Variants in WWOX observed in about 807,000 individuals in gnomAD.
The protein encoded by WWOX is WW domain-containing oxidoreductase.
Under a neutral mutation model 46.2 loss-of-function variants are expected in WWOX, and 69 were observed. The ratio of observed to expected loss-of-function variants is 1.49; its 90% CI spans 1.23 to 1.82. The LOEUF is 1.82. Among genes scored for constraint, WWOX ranks in the 40% most tolerant of loss-of-function variants. WWOX has a pLI of 0.00. For missense variants in WWOX, 919 were observed against 542.6 expected (o/e 1.69, Z -6.89); for synonymous variants, 359 against 202.6 (o/e 1.77, Z -6.56).
intron 8 of WWOX, among the ~76,000 whole-genome samples, chr16:79,142,032 C>A (rs2050099869): frequency 6.6e-6 from 1 of 152,154 alleles, no homozygotes; most frequent in East Asian, 1.9e-4. Context: ...AGGATGGGGC[C>A]CAGTTAAGAG....
intron 8 of WWOX, among the ~76,000 whole-genome samples, chr16:79,102,778 C>G (rs1449989381): frequency 6.6e-6 from 1 of 152,166 alleles, no homozygotes; most frequent in African/African-American, 2.4e-5. Flanking sequence ...CATTAAACAC[C>G]TAAAGACTCT....
intron 6 of WWOX, among the ~76,000 whole-genome samples, chr16:78,408,079 G>C (rs569564809): frequency 1.3e-5 from 2 of 152,290 alleles, no homozygotes; most frequent in African/African-American, 2.4e-5. Flanking sequence ...TGCCTAGGTA[G>C]ATAGGAGCCG....
chr16:78,493,270 C>T (rs1445543699), intron 8 of WWOX, among the ~76,000 whole-genome samples: 2 of 152,114 alleles, frequency 1.3e-5, no homozygotes, highest in Non-Finnish European at 2.9e-5. Flanking sequence ...ACACAAATGT[C>T]CTATGTTAAG....
intron 6 of WWOX, among the ~76,000 whole-genome samples, chr16:78,406,303 A>AATATAAATACAT (rs1200192812): frequency 1.7e-5 from 1 of 57,844 alleles, no homozygotes; most frequent in East Asian, 7.5e-4. Context: ...TATAAATATA[A>AATATAAATACAT]ATATATATAT....
intron 8 of WWOX, among the ~76,000 whole-genome samples, chr16:78,703,294 C>A (rs1017342431): frequency 6.6e-6 from 1 of 152,144 alleles, no homozygotes. Flanking sequence ...AGCTTCTCTC[C>A]CATCTTTCCT....
chr16:79,173,442 G>A (rs892338568), intron 8 of WWOX, among the ~76,000 whole-genome samples: 1 of 152,174 alleles, frequency 6.6e-6, no homozygotes, highest in Non-Finnish European at 1.5e-5. Flanking sequence ...TGAGCAAACA[G>A]GCAGAGACTG....
At chr16:78,662,214 G>C (rs920745584) in intron 8 of WWOX, among the ~76,000 whole-genome samples, 1 of 152,102 alleles carries the variant, frequency 6.6e-6, no homozygotes, top group African/African-American at 2.4e-5. Flanking sequence ...AGTGAGGTTT[G>C]TATAACCGAG....
At chr16:78,614,462 G>A (rs950068597) in intron 8 of WWOX, among the ~76,000 whole-genome samples, 3 of 152,330 alleles carry the variant, frequency 2.0e-5, no homozygotes, top group Middle Eastern at 3.4e-3. Flanking sequence ...GGGTGAGGGC[G>A]GCAGGTCCTC....
At chr16:79,066,549 G>A (rs75982681) in intron 8 of WWOX, among the ~76,000 whole-genome samples, 76 of 152,320 alleles carry the variant, frequency 5.0e-4, no homozygotes, top group Middle Eastern at 3.4e-3. Flanking sequence ...ATAATTTCCA[G>A]GAAGCCTCAT....
intron 8 of WWOX, among the ~76,000 whole-genome samples, chr16:78,591,092 G>T (rs1044723667): frequency 6.6e-6 from 1 of 152,296 alleles, no homozygotes; most frequent in African/African-American, 2.4e-5. Flanking sequence ...GACATGCCAT[G>T]ATGTGGTTCT....
chr16:78,964,958 C>T (rs566227768), intron 8 of WWOX, among the ~76,000 whole-genome samples: 1 of 152,286 alleles, frequency 6.6e-6, no homozygotes, highest in African/African-American at 2.4e-5. Context: ...TGTGTGGGGG[C>T]ACAGAAGTCA....
At chr16:78,933,326 C>T (rs2045664925) in intron 8 of WWOX, among the ~76,000 whole-genome samples, 1 of 152,190 alleles carries the variant, frequency 6.6e-6, no homozygotes, top group South Asian at 2.1e-4. Context: ...GTAGTCCCAG[C>T]TACTCAGGAG....
intron 8 of WWOX, among the ~76,000 whole-genome samples, chr16:78,659,353 C>T (rs565737141): frequency 1.3e-4 from 20 of 152,086 alleles, no homozygotes; most frequent in African/African-American, 4.3e-4. Context: ...CTCAAAGGCT[C>T]GTCCCCAAGC....
At chr16:78,909,292 T>C (rs1287394705) in intron 8 of WWOX, among the ~76,000 whole-genome samples, 1 of 152,198 alleles carries the variant, frequency 6.6e-6, no homozygotes, top group African/African-American at 2.4e-5. Context: ...CTTGTAAATG[T>C]TGAGATGCCA....
intron 8 of WWOX, among the ~76,000 whole-genome samples, chr16:78,905,973 G>A (rs1228579317): frequency 2.6e-5 from 4 of 152,188 alleles, no homozygotes; most frequent in African/African-American, 9.7e-5. Flanking sequence ...AGAAGTAGCT[G>A]CATGCTTGCC....
intron 5 of WWOX, among the ~76,000 whole-genome samples, chr16:78,266,788 T>TTCTCTCTCTTTCTCTC (rs767644576): frequency 2.6e-5 from 3 of 115,532 alleles, no homozygotes; most frequent in Non-Finnish European, 5.3e-5. Context: ...TATTCTTCTA[T>TTCTCTCTCTTTCTCTC]TCTCTCTCTC....
At chr16:78,816,315 T>G (rs1457390663) in intron 8 of WWOX, among the ~76,000 whole-genome samples, 1 of 152,120 alleles carries the variant, frequency 6.6e-6, no homozygotes, top group Non-Finnish European at 1.5e-5. Context: ...GTTCACTTCA[T>G]TTTTTCCTGA....
At chr16:78,335,792 GC>G (rs1349091273) in intron 5 of WWOX, among the ~76,000 whole-genome samples, 5 of 152,106 alleles carry the variant, frequency 3.3e-5, no homozygotes, top group Admixed American at 6.6e-5. Context: ...CCCAAAACTT[GC>G]GTTTCTAAAA....
At chr16:78,394,722 A>C (rs2082247543) in intron 6 of WWOX, among the ~76,000 whole-genome samples, 1 of 152,214 alleles carries the variant, frequency 6.6e-6, no homozygotes, top group Non-Finnish European at 1.5e-5. Flanking sequence ...AAGCAGCCAT[A>C]GATAGTATGG....
Sources: gnomAD v4.1 joint callset for allele counts (sites outside exome capture counted in the v4.1 genomes callset) on GRCh38, gnomAD v4.1.1 for gene constraint, MANE v1.5 for transcripts, NCBI Gene and HGNC (gene_info 2026-07-23, HGNC 2026-07-21) for gene names.